SLC39A10: variants seen among roughly 807,000 people sequenced by gnomAD.
The protein encoded by SLC39A10 is solute carrier family 39 member 10, also known as zinc transporter ZIP10.
In SLC39A10, 13 loss-of-function variants were observed where a neutral mutation model predicts 65.1. That is an observed-to-expected ratio of 0.20 (90% CI 0.13 to 0.32). The LOEUF (loss-of-function observed/expected upper bound fraction) is 0.32, where lower values mean the gene tolerates loss of function less well. Among genes scored for constraint, SLC39A10 ranks in the 10% least tolerant of loss-of-function variants. SLC39A10 has a pLI of 1.00. For synonymous variants in SLC39A10, 321 were observed against 342.2 expected, an observed-to-expected ratio of 0.94 and a Z score of 0.68; for missense variants, 831 against 1,018.4, an observed-to-expected ratio of 0.82 and a Z score of 2.50.
intron 2 of SLC39A10, among the ~76,000 whole-genome samples, chr2:195,643,409 C>T (rs1688848599): frequency 6.6e-6 from 1 of 152,186 alleles, no homozygotes; most frequent in Admixed American, 6.5e-5. Context: ...CAGTATTCAT[C>T]CTATTTCATT....
chr2:195,708,585 T>A, intron 4 of SLC39A10, 71 bp from the exon 5 acceptor site: 14 of 1,151,850 alleles, frequency 1.2e-5, no homozygotes, highest in Non-Finnish European at 1.5e-5. Flanking sequence ...AGATTATAAT[T>A]ATTATAATTT....
At chr2:195,714,089 G>C (rs1691699554) in intron 6 of SLC39A10, among the ~76,000 whole-genome samples, 1 of 152,006 alleles carries the variant, frequency 6.6e-6, no homozygotes, top group Non-Finnish European at 1.5e-5. Flanking sequence ...ACCACGCCTG[G>C]CTAATTTTTT....
intron 1 of SLC39A10, among the ~76,000 whole-genome samples, chr2:195,659,286 A>C (rs1157853320): frequency 6.6e-6 from 1 of 152,206 alleles, no homozygotes; most frequent in Non-Finnish European, 1.5e-5. Flanking sequence ...TCAATAATAG[A>C]TTGCATGATA....
chr2:195,663,871 T>C (rs1361333225), intron 1 of SLC39A10, among the ~76,000 whole-genome samples: 4 of 151,762 alleles, frequency 2.6e-5, no homozygotes, highest in Admixed American at 2.6e-4. Flanking sequence ...TGTGTGATGC[T>C]GAAGTTTGGG....
At chr2:195,690,167 C>T (rs1690674473) in intron 3 of SLC39A10, among the ~76,000 whole-genome samples, 1 of 82,330 alleles carries the variant, frequency 1.2e-5, no homozygotes. Context: ...CAGAGTGAGA[C>T]TCTCTGAAAA....
intron 1 of SLC39A10, among the ~76,000 whole-genome samples, chr2:195,659,074 G>A (rs1005561378): frequency 6.6e-6 from 1 of 152,128 alleles, no homozygotes; most frequent in Non-Finnish European, 1.5e-5. Context: ...ATTTCACATC[G>A]CTGTAATTTT....
At chr2:195,638,982 G>T in intron 2 of SLC39A10, among the ~76,000 whole-genome samples, 1 of 150,548 alleles carries the variant, frequency 6.6e-6, no homozygotes, top group African/African-American at 2.4e-5. Flanking sequence ...TTTTGAGACA[G>T]GGTCATGCTG....
In SLC39A10 at chr2:195,632,760, A is replaced by G. The variant is rs573794819; in HGVS notation, c.-12+26527A>G. 9.6e-4 allele frequency among the ~76,000 whole-genome samples: 7 copies of G among 7,310 alleles called. No homozygotes were observed. The East Asian group carries it at 0.025, about 26-fold the overall frequency. The allele number at this position is 7,310 out of a possible 152,430, so 4.8% of individuals were successfully genotyped here. Reference sequence around the variant, plus strand: ...AAAGATAGCACTTATTTATTTTGAAACCTCTAAAATAATTCTGATGTGGTA... The same window carrying G: ...AAAGATAGCACTTATTTATTTTGAAGCCTCTAAAATAATTCTGATGTGGTA... On this transcript the variant is annotated intron_variant, in intron 2 of 2. Coordinates refer to the SLC39A10 transcript ENST00000458054.
chr2:195,636,428 T>G (rs1688697474), intron 2 of SLC39A10, among the ~76,000 whole-genome samples: 1 of 152,236 alleles, frequency 6.6e-6, no homozygotes, highest in African/African-American at 2.4e-5. Flanking sequence ...GTGACTCACA[T>G]AAACAAATGC....
At chr2:195,733,999 AAGC>A (rs892382036) in intron 9 of SLC39A10, among the ~76,000 whole-genome samples, 1 of 152,024 alleles carries the variant, frequency 6.6e-6, no homozygotes, top group Non-Finnish European at 1.5e-5. Context: ...ATTGGAATGA[AAGC>A]AATGGCATAA....
At chr2:195,679,945 G>T in intron 1 of SLC39A10, 87 bp from the exon 2 acceptor site, 2 of 1,157,442 alleles carry the variant, frequency 1.7e-6, no homozygotes, top group African/African-American at 1.6e-5. Context: ...ACTTTTTTTA[G>T]TGGATTGGCA....
At chr2:195,689,713 C>T (rs1690656958) in intron 3 of SLC39A10, among the ~76,000 whole-genome samples, 1 of 152,138 alleles carries the variant, frequency 6.6e-6, no homozygotes, top group African/African-American at 2.4e-5. Context: ...AATAGTAACT[C>T]CTATTTCCCC....
At chr2:195,629,258 G>A (rs1265664336) in intron 2 of SLC39A10, among the ~76,000 whole-genome samples, 1 of 152,008 alleles carries the variant, frequency 6.6e-6, no homozygotes, top group African/African-American at 2.4e-5. Flanking sequence ...GCCAGATGTG[G>A]TGGCGGGTGC....
At chr2:195,616,498 G>A (rs918758828) in intron 2 of SLC39A10, among the ~76,000 whole-genome samples, 3 of 151,252 alleles carry the variant, frequency 2.0e-5, no homozygotes, top group Non-Finnish European at 2.9e-5. Flanking sequence ...GTAGAGACAG[G>A]GTTTCAACAT....
intron 2 of SLC39A10, among the ~76,000 whole-genome samples, chr2:195,621,996 G>A (rs1426675802): frequency 6.6e-6 from 1 of 152,084 alleles, no homozygotes; most frequent in African/African-American, 2.4e-5. Context: ...ATCTGTCTGG[G>A]TCTAAGTCTG....
At chr2:195,616,550 C>T (rs1272631195) in intron 2 of SLC39A10, among the ~76,000 whole-genome samples, 1 of 151,698 alleles carries the variant, frequency 6.6e-6, no homozygotes, top group African/African-American at 2.4e-5. Context: ...CATGATCCTC[C>T]CACCTTGGCC....
At chr2:195,670,386 T>C (rs1032530044) in intron 1 of SLC39A10, 2 of 152,186 alleles carry the variant, frequency 1.3e-5, no homozygotes, top group African/African-American at 4.8e-5. Flanking sequence ...ATATAGACCA[T>C]TTCACAAATT....
chr2:195,700,852 G>A (rs1170236195), intron 3 of SLC39A10, among the ~76,000 whole-genome samples: 1 of 151,912 alleles, frequency 6.6e-6, no homozygotes, highest in Non-Finnish European at 1.5e-5. Flanking sequence ...AGTCTCTCTT[G>A]GTCTTTCAAG....
intron 2 of SLC39A10, among the ~76,000 whole-genome samples, chr2:195,623,581 T>TC (rs1559005538): frequency 6.6e-6 from 1 of 152,206 alleles, no homozygotes; most frequent in Non-Finnish European, 1.5e-5. Flanking sequence ...TACCTTGAGT[T>TC]CATAGCTAAA....
Sources: gnomAD v4.1 joint callset for allele counts (sites outside exome capture counted in the v4.1 genomes callset) on GRCh38, gnomAD v4.1.1 for gene constraint, MANE v1.5 for transcripts, NCBI Gene and HGNC (gene_info 2026-07-23, HGNC 2026-07-21) for gene names.